DUSP8: variants seen among roughly 807,000 people sequenced by gnomAD.
The protein encoded by DUSP8 is dual specificity phosphatase 8.
Under a neutral mutation model 38.7 loss-of-function variants are expected in DUSP8, and 15 were observed. The ratio of observed to expected loss-of-function variants is 0.39; its 90% CI spans 0.26 to 0.60. DUSP8 has a LOEUF of 0.60. Among genes scored for constraint, DUSP8 ranks in the 20% least tolerant of loss-of-function variants. DUSP8 has a pLI of 0.56. For synonymous variants in DUSP8, 458 were observed against 433.9 expected, an observed-to-expected ratio of 1.06 and a Z score of -0.69; for missense variants, 768 against 915.0, an observed-to-expected ratio of 0.84 and a Z score of 2.07.
chr11:1,564,359 G>C (rs758280059), intron 2 of DUSP8, among the ~76,000 whole-genome samples: 1 of 152,218 alleles, frequency 6.6e-6, no homozygotes, highest in South Asian at 2.1e-4. Flanking sequence ...CTGGCTCCCA[G>C]GGTGGCGGAG....
At position 1,558,770 on chromosome 11, in the gene DUSP8, C is replaced by T. The variant is rs1564933008; in HGVS notation, c.537+119G>A. 23 of 1,255,962 alleles carry T rather than the reference C, an allele frequency of 1.8e-5. No homozygotes were observed. The highest frequency in any genetic ancestry group is 2.9e-4 in the Middle Eastern group (1 of 3,440). The allele number at this position is 1,255,962 out of a possible 1,614,324, so 77.8% of individuals were successfully genotyped here. A position where few individuals can be genotyped will look rare whatever the true frequency, so the allele number is the denominator to read the frequency against. ...CCCCCACCCATGCTTCTCCCACACC[C>T]AGCTCATCCACTGCCTTCAGCTCCT... is the stretch of plus-strand genomic sequence containing the variant. On this transcript the variant is annotated intron_variant, in intron 4 of 6. Transcript: ENST00000397374. The surrounding 1 kb of genome is among the most constrained non-coding windows in gnomAD (Gnocchi z 6.3).
At chr11:1,569,295 CT>C (rs1386900925) in intron 1 of DUSP8, among the ~76,000 whole-genome samples, 1 of 152,132 alleles carries the variant, frequency 6.6e-6, no homozygotes, top group Non-Finnish European at 1.5e-5. Context: ...AGGCCCACAC[CT>C]TCCAGGAGGC....
chr11:1,554,151 G>C lies in DUSP8; in HGVS notation c.*2367C>G, dbSNP rs1032584765. 4 of 152,846 alleles carry C rather than the reference G, an allele frequency of 2.6e-5. No homozygotes were observed. Among genetic ancestry groups the C allele is most frequent in the Admixed American group, 1.3e-4 (2 of 15,292 alleles). The allele number at this position is 152,846 out of a possible 1,614,324, so 9.5% of individuals were successfully genotyped here. A position where few individuals can be genotyped will look rare whatever the true frequency, so the allele number is the denominator to read the frequency against. On this transcript the variant is annotated 3_prime_UTR_variant, in exon 7 of 7. Coordinates refer to ENST00000397374, the MANE Select transcript of DUSP8 (RefSeq NM_004420.3). ...GGCTGTGGCGGGAGGGGCTCCAAGGGGGGCTGAAGGGCCGGCAGCCCAGTC... is the reference window on the plus strand; with the variant it reads ...GGCTGTGGCGGGAGGGGCTCCAAGGCGGGCTGAAGGGCCGGCAGCCCAGTC...
rs571034614 is a variant in DUSP8 at position 1,567,524 on chromosome 11, C to T, written c.-108-1590G>A. On this transcript the variant is annotated intron_variant, in intron 1 of 6. Coordinates refer to ENST00000397374, the MANE Select transcript of DUSP8 (RefSeq NM_004420.3). ...CCCAGCTCCTCCCTGCCCAGGAGCC[C>T]CAGCCTCGCACTCACTCTCCTTCTC... Among the ~76,000 whole-genome samples, 25 of 152,354 alleles carry T rather than the reference C, an allele frequency of 1.6e-4. No homozygotes were observed. In the South Asian group the frequency reaches 5.0e-3, roughly 30 times the overall value.
chr11:1,557,365 T>C lies in DUSP8; in HGVS notation c.1031A>G (p.Asn344Ser), dbSNP rs1170622946. Residue 344 changes from asparagine to serine, a missense_variant, in exon 7 of 7, where the codon AAT becomes AGT. This residue lies in a region of DUSP8 where 474 missense variants were observed against 430.8 expected (regional missense o/e 1.10). Coordinates refer to ENST00000397374, the MANE Select transcript of DUSP8 (RefSeq NM_004420.3). The surrounding 1 kb of genome is among the most constrained non-coding windows in gnomAD (Gnocchi z 9.9). ...PPTSESAATGNAAAREGGLSA... is the reference protein window; with the variant it reads ...PPTSESAATGSAAAREGGLSA... ...CAGGCCGCCCTCCCTGGCAGCCGCA[T>C]TCCCTGTGGCAGCGCTCTCTGAGGT... 1.9e-6 allele frequency: 3 copies of C among 1,563,222 alleles called. No individual in the cohort carries two copies. The highest frequency in any genetic ancestry group is 2.6e-6 in the Non-Finnish European group (3 of 1,166,412).
intron 1 of DUSP8, among the ~76,000 whole-genome samples, chr11:1,568,651 G>A (rs946504358): frequency 1.3e-5 from 2 of 152,114 alleles, no homozygotes; most frequent in South Asian, 2.1e-4. Flanking sequence ...GCAGGTGCCC[G>A]GCAGTGCAGA....
chr11:1,561,514 A>C (rs1374800946), intron 3 of DUSP8, among the ~76,000 whole-genome samples: 2 of 152,230 alleles, frequency 1.3e-5, no homozygotes. Flanking sequence ...TTAAAGGGCC[A>C]GGCCCCTCTC....
chr11:1,571,833 CCCCCCGG>C lies in DUSP8; in HGVS notation c.-109+61_-109+67del, dbSNP rs1250275230. ...AGCGCCCCCGACGCGGCGCCCTCCG[CCCCCCGG>C]CCCGGGCCGGTGAACCCCATCCCCG... On this transcript the variant is annotated intron_variant, in intron 1 of 6. Coordinates refer to ENST00000397374, the MANE Select transcript of DUSP8 (RefSeq NM_004420.3). 2.7e-5 allele frequency: 4 copies of C among 148,068 alleles called. No individual in the cohort carries two copies. In the East Asian group the frequency reaches 5.9e-4, roughly 22 times the overall value. The allele number at this position is 148,068 out of a possible 1,614,324, so 9.2% of individuals were successfully genotyped here. A position where few individuals can be genotyped will look rare whatever the true frequency, so the allele number is the denominator to read the frequency against.
Position 1,558,037 on chromosome 11 carries a change from T to G in DUSP8, c.697+75A>C. 2 of 1,610,932 alleles carry G rather than the reference T, an allele frequency of 1.2e-6. No individual in the cohort carries two copies. Among genetic ancestry groups the G allele is most frequent in the South Asian group, 2.2e-5 (2 of 91,000 alleles). On this transcript the variant is annotated intron_variant, in intron 5 of 6. Coordinates refer to ENST00000397374, the MANE Select transcript of DUSP8 (RefSeq NM_004420.3). This position sits in a 1 kb window ranked among gnomAD's most constrained non-coding sequence, Gnocchi z 6.3. Reference sequence around the variant, plus strand: ...GTTCCGGCTACTTCCTGGGGACCCCTCCTGTGTCTGTGGCCACACACAGCT... The same window carrying G: ...GTTCCGGCTACTTCCTGGGGACCCCGCCTGTGTCTGTGGCCACACACAGCT...
rs1848612232 is a variant in DUSP8, at chr11:1,555,785, G to A, written c.*733C>T. ...GGCACTAACACCTCTGTCCTCCCCTGGGCTGCACCTCATCTGACGTTCCAG... is the reference window on the plus strand; with the variant it reads ...GGCACTAACACCTCTGTCCTCCCCTAGGCTGCACCTCATCTGACGTTCCAG... On this transcript the variant is annotated 3_prime_UTR_variant, in exon 7 of 7. Transcript: ENST00000397374. 1 of 152,484 alleles carries A rather than the reference G, an allele frequency of 6.6e-6. No individual in the cohort carries two copies. The highest frequency in any genetic ancestry group is 6.5e-5 in the Admixed American group (1 of 15,292). 9.4% of individuals were successfully genotyped at this position (152,484 alleles called of 1,614,324 possible). A position where few individuals can be genotyped will look rare whatever the true frequency, so the allele number is the denominator to read the frequency against.
At chr11:1,562,960 C>T (rs1041911918) in intron 3 of DUSP8, among the ~76,000 whole-genome samples, 3 of 152,160 alleles carry the variant, frequency 2.0e-5, no homozygotes, top group African/African-American at 4.8e-5. Context: ...CTGGCCAAAG[C>T]GGCTGCCACC....
At position 1,565,655 on chromosome 11, in the gene DUSP8, G is replaced by T. The variant is rs776436007; in HGVS notation, c.172C>A (p.Arg58=). 12 of 1,611,044 alleles carry T rather than the reference G, an allele frequency of 7.4e-6. No individual in the cohort carries two copies. The highest frequency in any genetic ancestry group is 1.7e-4 in the Middle Eastern group (1 of 5,896). The change falls in exon 2 of 7, where the codon CGG becomes AGG. Residue 58 remains arginine, a synonymous_variant. Transcript: ENST00000397374. The stretch of plus-strand genomic sequence containing the variant: ...ATGGTCACCTTGCCCTGCTGCAGCC[G>T]CCGCTTCACCAGCTTGGAGCAGCAG... ...NICCSKLVKR[R]LQQGKVTIAE...
chr11:1,564,728 A>C (rs1332210455), intron 2 of DUSP8, among the ~76,000 whole-genome samples: 1 of 152,186 alleles, frequency 6.6e-6, no homozygotes, highest in Non-Finnish European at 1.5e-5. Flanking sequence ...CTCTGCCGGG[A>C]GTCCTTGCTG....
rs1023345126 is a variant in DUSP8 at position 1,565,857 on chromosome 11, C to A, written c.-31G>T. 8 of 1,576,870 alleles carry A rather than the reference C, an allele frequency of 5.1e-6. No homozygotes were observed. Among genetic ancestry groups the A allele is most frequent in the African/African-American group, 1.3e-5 (1 of 74,188 alleles). On this transcript the variant is annotated 5_prime_UTR_variant, in exon 2 of 7. Transcript: ENST00000397374. ...GGCAATGGGTGCTGGGGAGGGTGAC[C>A]CCTGAAGTGAGGAGGGGCTGCTCCG...
chr11:1,557,191 T>C lies in DUSP8; in HGVS notation c.1205A>G (p.Tyr402Cys). 1 of 1,481,938 alleles carries C rather than the reference T, an allele frequency of 6.7e-7. No homozygotes were observed. The highest frequency in any genetic ancestry group is 8.9e-7 in the Non-Finnish European group (1 of 1,120,302). 91.8% of individuals were successfully genotyped at this position (1,481,938 alleles called of 1,614,324 possible). A position where few individuals can be genotyped will look rare whatever the true frequency, so the allele number is the denominator to read the frequency against. The change falls in exon 7 of 7, where the codon TAC becomes TGC. Residue 402 changes from tyrosine (Y) to cysteine (C), a missense_variant. This residue lies in a region of DUSP8 where 474 missense variants were observed against 430.8 expected (regional missense o/e 1.10). Coordinates refer to ENST00000397374, the MANE Select transcript of DUSP8 (RefSeq NM_004420.3). The surrounding 1 kb of genome is among the most constrained non-coding windows in gnomAD (Gnocchi z 9.9). ...RSFSLDIKSA[Y>C]APSRRPDGPG... is the part of the protein sequence containing the mutation. ...GCCGTCGGGCCGCCTGCTAGGGGCG[T>C]AGGCAGACTTGATGTCCAGGGAGAA...
At chr11:1,559,110 G>A (rs918075190) in intron 3 of DUSP8, 55 bp from the exon 4 acceptor site, 16 of 1,549,556 alleles carry the variant, frequency 1.0e-5, no homozygotes, top group Admixed American at 9.4e-5. Context: ...CTCCCTGTCC[G>A]CCTAGGGTGC....
In DUSP8 at chr11:1,572,018, G is replaced by C. The variant is rs963927855; in HGVS notation, c.-226C>G. 2 of 145,600 alleles carry C rather than the reference G, an allele frequency of 1.4e-5. No homozygotes were observed. The highest frequency in any genetic ancestry group is 4.9e-5 in the African/African-American group (2 of 40,662). The allele number at this position is 145,600 out of a possible 1,614,324, so 9.0% of individuals were successfully genotyped here. On this transcript the variant is annotated 5_prime_UTR_variant, in exon 1 of 7. Coordinates refer to ENST00000397374, the MANE Select transcript of DUSP8 (RefSeq NM_004420.3). This position sits in a 1 kb window ranked among gnomAD's most constrained non-coding sequence, Gnocchi z 4.7. ...CGCGCAGCCGGGGCAGGGGCCGGGG[G>C]AGCGCGCGGGCCGCGTCGCCGTCGC...
intron 3 of DUSP8, among the ~76,000 whole-genome samples, chr11:1,560,130 G>A (rs1382323208): frequency 6.6e-6 from 1 of 152,082 alleles, no homozygotes; most frequent in East Asian, 1.9e-4. Flanking sequence ...GCACCACCCC[G>A]AGGACACCTT....
intron 1 of DUSP8, among the ~76,000 whole-genome samples, chr11:1,568,183 A>T (rs897905528): frequency 1.2e-4 from 18 of 152,150 alleles, no homozygotes; most frequent in Admixed American, 9.2e-4. Context: ...AACAGAAGCA[A>T]ATACCCCCCA....
Sources: gnomAD v4.1 joint callset for allele counts (sites outside exome capture counted in the v4.1 genomes callset) on GRCh38, gnomAD v4.1.1 for gene constraint, gnomAD v4.1.1 regional missense constraint, Gnocchi (gnomAD v3.1) non-coding constraint, MANE v1.5 for transcripts, NCBI Gene and HGNC (gene_info 2026-07-23, HGNC 2026-07-21) for gene names.